Variants in EFCAB6 observed in about 807,000 individuals in gnomAD.
The protein encoded by EFCAB6 is EF-hand calcium-binding domain-containing protein 6.
EFCAB6 carries 156 observed loss-of-function variants against 169.8 expected under a neutral mutation model. That is an observed-to-expected ratio of 0.92 (90% confidence interval 0.81 to 1.05). The LOEUF is 1.05. Among genes scored for constraint, EFCAB6 ranks in the 50% least tolerant of loss-of-function variants. The pLI, the probability that EFCAB6 is intolerant of heterozygous loss-of-function variation, is 0.00. For missense variants in EFCAB6, 1,800 were observed against 1,829.1 expected, an observed-to-expected ratio of 0.98 and a Z score of 0.29; for synonymous variants, 698 against 676.4, an observed-to-expected ratio of 1.03 and a Z score of -0.50.
At chr22:43,741,164 G>T (rs2060355800) in intron 6 of EFCAB6, among the ~76,000 whole-genome samples, 1 of 152,084 alleles carries the variant, frequency 6.6e-6, no homozygotes, top group African/African-American at 2.4e-5. Context: ...CTAAGCTAAG[G>T]CTCCCGACAA....
intron 3 of EFCAB6, among the ~76,000 whole-genome samples, chr22:43,773,365 G>C (rs1031188525): frequency 1.3e-5 from 2 of 152,046 alleles, no homozygotes; most frequent in African/African-American, 2.4e-5. Flanking sequence ...AAAGGACATA[G>C]GTCAGTACAA....
intron 2 of EFCAB6, among the ~76,000 whole-genome samples, chr22:43,806,752 A>G (rs963116361): frequency 1.3e-5 from 2 of 152,136 alleles, no homozygotes; most frequent in East Asian, 1.9e-4. Flanking sequence ...GCACACTTCA[A>G]TTAATCTTTC....
chr22:43,720,607 T>C (rs1319609359), intron 8 of EFCAB6, among the ~76,000 whole-genome samples: 2 of 149,824 alleles, frequency 1.3e-5, no homozygotes, highest in African/African-American at 4.9e-5. Flanking sequence ...CAAAGTTATA[T>C]CATGGAAGGA....
intron 26 of EFCAB6, among the ~76,000 whole-genome samples, chr22:43,573,676 A>C (rs1033132495): frequency 6.6e-6 from 1 of 150,836 alleles, no homozygotes; most frequent in African/African-American, 2.4e-5. Flanking sequence ...GGTTGTGGTA[A>C]GCCAAGATTG....
intron 10 of EFCAB6, among the ~76,000 whole-genome samples, chr22:43,689,789 A>T (rs535883344): frequency 1.3e-5 from 2 of 152,358 alleles, no homozygotes; most frequent in Admixed American, 1.3e-4. Context: ...CGTGCCTGTA[A>T]CAGGCCCTAA....
chr22:43,720,333 C>T (rs1038826425), intron 8 of EFCAB6, among the ~76,000 whole-genome samples: 1 of 137,144 alleles, frequency 7.3e-6, no homozygotes, highest in Non-Finnish European at 1.5e-5. Flanking sequence ...AAAGCAGAAC[C>T]TGTCTCTACA....
intron 26 of EFCAB6, among the ~76,000 whole-genome samples, chr22:43,561,546 C>T (rs1286823784): frequency 3.3e-5 from 5 of 152,160 alleles, no homozygotes; most frequent in Admixed American, 6.5e-5. Context: ...CACACCGCCC[C>T]GCCCCCACAC....
At position 43,722,519 on chromosome 22, in the gene EFCAB6, G is replaced by A. The variant is rs1319308436; in HGVS notation, c.758-5547C>T. On this transcript the variant is annotated intron_variant, in intron 8 of 31. Transcript: ENST00000262726. ...GCACTCCAGCCTGATGAAAGAGTGA[G>A]ACTGCATCTCAAAAAAAAAAAAAAG... is the stretch of plus-strand genomic sequence containing the variant. Among the ~76,000 whole-genome samples the A allele has an allele frequency of 2.3e-5, 3 of 129,568 alleles. No individual in the cohort carries two copies. The East Asian group carries it at 6.8e-4, about 29-fold the overall frequency. The allele number at this position is 129,568 out of a possible 152,430, so 85.0% of individuals were successfully genotyped here.
At chr22:43,612,931 T>TG (rs34118105) in intron 21 of EFCAB6, among the ~76,000 whole-genome samples, 107,574 of 147,322 alleles carry the variant, frequency 0.73, 39,423 homozygotes, top group Admixed American at 0.81. Context: ...AAACAGATGC[T>TG]GTAAAGTTGC....
chr22:43,777,459 C>T (rs1401311587), intron 3 of EFCAB6, among the ~76,000 whole-genome samples: 2 of 152,182 alleles, frequency 1.3e-5, no homozygotes, highest in African/African-American at 2.4e-5. Flanking sequence ...AACCCTCCCA[C>T]AAGAGTTCCA....
At chr22:43,760,575 A>G (rs924816791) in intron 5 of EFCAB6, among the ~76,000 whole-genome samples, 7 of 151,932 alleles carry the variant, frequency 4.6e-5, no homozygotes, top group Non-Finnish European at 1.0e-4. Context: ...TGTTCCTCCA[A>G]AATTTAGGTG....
intron 2 of EFCAB6, among the ~76,000 whole-genome samples, chr22:43,791,451 T>C (rs1231378137): frequency 6.7e-6 from 1 of 148,958 alleles, no homozygotes. Flanking sequence ...ATCAAGAAAG[T>C]AGGTGCAAAA....
intron 25 of EFCAB6, 96 bp from the exon 26 acceptor site, chr22:43,576,584 A>G (rs2147259493): frequency 4.7e-6 from 5 of 1,070,222 alleles, no homozygotes; most frequent in Non-Finnish European, 6.4e-6. Flanking sequence ...AATGCAAATG[A>G]AGCCTAGTGT....
intron 4 of EFCAB6, among the ~76,000 whole-genome samples, chr22:43,770,100 G>A (rs919905572): frequency 3.3e-5 from 5 of 152,052 alleles, no homozygotes; most frequent in African/African-American, 1.2e-4. Context: ...CAGGTGATCT[G>A]CCTGCTTTGG....
intron 20 of EFCAB6, among the ~76,000 whole-genome samples, chr22:43,621,523 C>T (rs1279451648): frequency 2.6e-5 from 4 of 152,124 alleles, no homozygotes; most frequent in Non-Finnish European, 5.9e-5. Flanking sequence ...AAAACTACAA[C>T]ATATCCAAAT....
intron 20 of EFCAB6, among the ~76,000 whole-genome samples, chr22:43,616,291 G>T (rs1002472692): frequency 6.6e-6 from 1 of 152,226 alleles, no homozygotes; most frequent in South Asian, 2.1e-4. Flanking sequence ...GAGAGATAAT[G>T]GAGACTACAG....
intron 23 of EFCAB6, among the ~76,000 whole-genome samples, chr22:43,596,498 A>G (rs988694430): frequency 2.0e-5 from 3 of 152,124 alleles, no homozygotes; most frequent in African/African-American, 7.2e-5. Context: ...CTCATTTACA[A>G]TATCTACAAA....
In EFCAB6 at chr22:43,719,956, GTAT is replaced by G. The variant is rs777603036; in HGVS notation, c.758-2987_758-2985del. On this transcript the variant is annotated intron_variant, in intron 8 of 31. Coordinates refer to ENST00000262726, the MANE Select transcript of EFCAB6 (RefSeq NM_022785.4). The stretch of plus-strand genomic sequence containing the variant: ...AACATTATGTCAGGTATAAAACGTT[GTAT>G]TATTAACGAATAGCCACCATGAAAT... 8.5e-5 allele frequency among the ~76,000 whole-genome samples: 13 copies of G among 152,280 alleles called. No individual in the cohort carries two copies. The East Asian group carries it at 1.9e-3, about 23-fold the overall frequency.
chr22:43,529,521 T>C (rs1036690447), intron 31 of EFCAB6, among the ~76,000 whole-genome samples: 2 of 152,220 alleles, frequency 1.3e-5, no homozygotes, highest in Non-Finnish European at 2.9e-5. Context: ...CGGGAACATG[T>C]CTCAGCCTCT....
Sources: allele counts gnomAD v4.1 joint callset (sites outside exome capture counted in the v4.1 genomes callset), GRCh38; gene constraint gnomAD v4.1.1; transcripts MANE v1.5; gene names NCBI Gene and HGNC (gene_info 2026-07-23, HGNC 2026-07-21).